The following SEC24D variants were observed in gnomAD, a reference collection of about 807,000 sequenced individuals.
The protein encoded by SEC24D is protein transport protein Sec24D.
A neutral mutation model predicts 116.9 loss-of-function variants in SEC24D; 69 were observed. The observed-to-expected ratio is 0.59, with a 90% CI of 0.49 to 0.72. The LOEUF (loss-of-function observed/expected upper bound fraction) is 0.72, where lower values mean the gene tolerates loss of function less well. Ranked by LOEUF, SEC24D falls within the 30% of genes least tolerant of loss-of-function variation. SEC24D has a pLI of 0.00. For synonymous variants in SEC24D, 405 were observed against 442.8 expected (o/e 0.91, Z 1.07); for missense variants, 1,131 against 1,264.1 (o/e 0.89, Z 1.60).
Position 118,728,421 on chromosome 4 carries a change from T to C in SEC24D, c.2958+140A>G, listed in dbSNP as rs1343626667. The C allele has an allele frequency of 8.3e-6, 5 of 600,934 alleles. No homozygotes were observed. In the South Asian group the frequency reaches 1.1e-4, roughly 13 times the overall value. 37.2% of individuals were successfully genotyped at this position (600,934 alleles called of 1,614,324 possible). On this transcript the variant is annotated intron_variant, in intron 22 of 22. Transcript: ENST00000280551. Reference sequence around the variant, plus strand: ...TACTTAGAGGTTAATGTGAGGTTTTTTTAACTTTTATTTTAGATTTGTGAT... The same window carrying C: ...TACTTAGAGGTTAATGTGAGGTTTTCTTAACTTTTATTTTAGATTTGTGAT...
intron 8 of SEC24D, among the ~76,000 whole-genome samples, chr4:118,775,327 G>A (rs926935204): frequency 7.1e-6 from 1 of 141,444 alleles, no homozygotes; most frequent in South Asian, 2.4e-4. Flanking sequence ...ACTTGTGATA[G>A]GTGTTAAAGC....
At chr4:118,767,672 T>A (rs1727702471) in intron 9 of SEC24D, among the ~76,000 whole-genome samples, 1 of 152,224 alleles carries the variant, frequency 6.6e-6, no homozygotes, top group Admixed American at 6.5e-5. Flanking sequence ...AAAGCCCTTT[T>A]TAATAATGTT....
chr4:118,740,033 T>C (rs1435747159), intron 17 of SEC24D, among the ~76,000 whole-genome samples: 2 of 152,122 alleles, frequency 1.3e-5, no homozygotes, highest in Non-Finnish European at 2.9e-5. Flanking sequence ...GATGAGGTAT[T>C]TAAAGAGGTA....
rs1725245792 is a variant in SEC24D, at chr4:118,723,461, CAAG to C, written c.*51_*53del. Reference sequence around the variant, plus strand: ...TATTATCATCTAGAAAATTAGGCACCAAGAAGGAGATTATCTCCTTGGAAATGC... The same window carrying C: ...TATTATCATCTAGAAAATTAGGCACCAAGGAGATTATCTCCTTGGAAATGC... On this transcript the variant is annotated 3_prime_UTR_variant, in exon 23 of 23. Coordinates refer to ENST00000280551, the MANE Select transcript of SEC24D (RefSeq NM_014822.4). The C allele has an allele frequency of 6.5e-7, 1 of 1,542,482 alleles. No homozygotes were observed. The highest frequency in any genetic ancestry group is 1.4e-5 in the African/African-American group (1 of 71,918).
At chr4:118,786,998 G>A (rs1388180091) in intron 8 of SEC24D, among the ~76,000 whole-genome samples, 1 of 152,126 alleles carries the variant, frequency 6.6e-6, no homozygotes, top group Non-Finnish European at 1.5e-5. Flanking sequence ...CTTCTAAAAT[G>A]TAACTTAAAA....
At chr4:118,821,999 C>T (rs1730422433) in intron 3 of SEC24D, among the ~76,000 whole-genome samples, 1 of 152,164 alleles carries the variant, frequency 6.6e-6, no homozygotes, top group Admixed American at 6.5e-5. Context: ...GGAATCACCA[C>T]AAAAGCAGAT....
intron 6 of SEC24D, among the ~76,000 whole-genome samples, chr4:118,809,251 T>G (rs2110517254): frequency 1.3e-5 from 2 of 152,260 alleles, no homozygotes; most frequent in East Asian, 3.9e-4. Context: ...GGATTACAGG[T>G]GTGAGCCACC....
Position 118,805,885 on chromosome 4 carries a change from T to A in SEC24D, c.871A>T (p.Ile291Phe). 6.3e-7 allele frequency: 1 copy of A among 1,595,970 alleles called. No homozygotes were observed. The highest frequency in any genetic ancestry group is 8.5e-7 in the Non-Finnish European group (1 of 1,172,468). Residue 291 changes from isoleucine (I) to phenylalanine (F), a missense_variant, in exon 7 of 23, where the codon ATC (isoleucine) becomes TTC (phenylalanine). Coordinates refer to ENST00000280551, the MANE Select transcript of SEC24D (RefSeq NM_014822.4). ...QVYATNTRGQ[I>F]PPLVTTDCMI... ...CAATCTGTAGTGACCAGGGGAGGGATCTGGCCTCTGGTGTTGGTGGCATAA... is the reference window on the plus strand; with the variant it reads ...CAATCTGTAGTGACCAGGGGAGGGAACTGGCCTCTGGTGTTGGTGGCATAA...
intron 17 of SEC24D, among the ~76,000 whole-genome samples, chr4:118,740,292 GCT>G (rs1726164008): frequency 6.6e-6 from 1 of 152,118 alleles, no homozygotes; most frequent in Non-Finnish European, 1.5e-5. Flanking sequence ...TGTTTAAGCT[GCT>G]TATTCTGTAG....
At chr4:118,746,138 T>C (rs1458567568) in intron 13 of SEC24D, among the ~76,000 whole-genome samples, 1 of 148,926 alleles carries the variant, frequency 6.7e-6, no homozygotes, top group African/African-American at 2.5e-5. Context: ...ATCATGCCAC[T>C]GCACTCCAGC....
At chr4:118,815,929 TC>T (rs201454972) in intron 4 of SEC24D, among the ~76,000 whole-genome samples, 4 of 151,904 alleles carry the variant, frequency 2.6e-5, no homozygotes, top group Admixed American at 6.6e-5. Context: ...TGGGATTTTT[TC>T]TTTTTTTTAA....
chr4:118,735,717 AG>A (rs1725925180), intron 19 of SEC24D: 1 of 147,928 alleles, frequency 6.8e-6, no homozygotes, highest in African/African-American at 2.5e-5. Flanking sequence ...TTAAAGATAC[AG>A]GGTCTCACTT....
chr4:118,736,945 G>C (rs1246547302), intron 19 of SEC24D, among the ~76,000 whole-genome samples: 1 of 152,146 alleles, frequency 6.6e-6, no homozygotes, highest in Admixed American at 6.5e-5. Flanking sequence ...TCCATAAATA[G>C]GCAATAAGTT....
intron 8 of SEC24D, among the ~76,000 whole-genome samples, chr4:118,780,906 GCTT>G (rs1288713782): frequency 1.0e-4 from 11 of 106,114 alleles, no homozygotes; most frequent in Admixed American, 9.7e-4. Flanking sequence ...TGCAACCCCT[GCTT>G]TTTTTTTTTT....
chr4:118,806,049 T>C, intron 6 of SEC24D, 95 bp from the exon 7 acceptor site: 1 of 734,366 alleles, frequency 1.4e-6, no homozygotes, highest in Middle Eastern at 2.4e-4. Context: ...TCCCTCCTTT[T>C]CCCCTCCTTC....
Position 118,745,063 on chromosome 4 carries a change from A to T in SEC24D, c.1708-3T>A, listed in dbSNP as rs887474889. 1.1e-5 allele frequency: 5 copies of T among 459,856 alleles called. No individual in the cohort carries two copies. The highest frequency in any genetic ancestry group is 4.9e-5 in the South Asian group (1 of 20,356). The allele number at this position is 459,856 out of a possible 1,614,324, so 28.5% of individuals were successfully genotyped here. ...AGCTTCCCAGGACAGTCTGCTGCCT[A>T]AAAAAAAAAAAAAACCCAAAAACCC... On this transcript the variant is annotated splice_polypyrimidine_tract_variant and splice_region_variant and intron_variant, in intron 13 of 22. Transcript: ENST00000280551.
chr4:118,736,175 T>C (rs1008360387), intron 19 of SEC24D: 2 of 151,970 alleles, frequency 1.3e-5, no homozygotes, highest in African/African-American at 4.8e-5. Flanking sequence ...CCAGCTGTTT[T>C]TGTATTTTTA....
chr4:118,768,439 G>GGCTAGAGT, intron 8 of SEC24D, 128 bp from the exon 9 acceptor site: 1 of 685,152 alleles, frequency 1.5e-6, no homozygotes, highest in Non-Finnish European at 2.3e-6. Context: ...CTGTCACTCA[G>GGCTAGAGT]GCTAGAGTGC....
At chr4:118,728,501 TAA>T in intron 22 of SEC24D, 58 bp downstream of exon 22, 3 of 1,000,224 alleles carry the variant, frequency 3.0e-6, no homozygotes, top group Middle Eastern at 2.5e-4. Flanking sequence ...GTGTGCATGT[TAA>T]GTCTTTAATG....
Sources: gnomAD v4.1 joint callset for allele counts (sites outside exome capture counted in the v4.1 genomes callset) on GRCh38, gnomAD v4.1.1 for gene constraint, MANE v1.5 for transcripts, NCBI Gene and HGNC (gene_info 2026-07-23, HGNC 2026-07-21) for gene names.